Variants in CTNNBIP1 observed in about 807,000 individuals in gnomAD.
The protein encoded by CTNNBIP1 is catenin beta interacting protein 1, also known as beta-catenin-interacting protein 1.
CTNNBIP1 carries 7 observed loss-of-function variants against 11.8 expected under a neutral mutation model. That is an observed-to-expected ratio of 0.60 (90% CI 0.34 to 1.12). The LOEUF (loss-of-function observed/expected upper bound fraction) is 1.12. Ranked by LOEUF, CTNNBIP1 falls within the 50% of genes most tolerant of loss-of-function variation. The probability of loss-of-function intolerance (pLI) is 0.03; values close to 1 mark genes in which losing one functional copy is unlikely to be tolerated. For synonymous variants in CTNNBIP1, 58 were observed against 43.9 expected (o/e 1.32, Z -1.26); for missense variants, 101 against 113.4 (o/e 0.89, Z 0.50).
chr1:9,891,833 CCT>C (rs1464498983), intron 1 of CTNNBIP1, among the ~76,000 whole-genome samples: 3 of 131,396 alleles, frequency 2.3e-5, no homozygotes, highest in South Asian at 2.4e-4. Context: ...TCGCTCTTTC[CCT>C]CTGTCGCCCA....
intron 2 of CTNNBIP1, among the ~76,000 whole-genome samples, chr1:9,880,175 G>A (rs1639053851): frequency 7.0e-6 from 1 of 142,358 alleles, no homozygotes; most frequent in Non-Finnish European, 1.5e-5. Flanking sequence ...TCCCCTCCCT[G>A]TGTCCATGTA....
chr1:9,888,024 A>G (rs1340097454), intron 1 of CTNNBIP1, among the ~76,000 whole-genome samples: 1 of 151,664 alleles, frequency 6.6e-6, no homozygotes, highest in Non-Finnish European at 1.5e-5. Context: ...GGGTTTCACC[A>G]TGTTGGCTAG....
At chr1:9,885,569 G>A (rs950389532) in intron 1 of CTNNBIP1, among the ~76,000 whole-genome samples, 5 of 151,946 alleles carry the variant, frequency 3.3e-5, no homozygotes, top group Admixed American at 2.6e-4. Flanking sequence ...GCTTGAGCCT[G>A]GAAAATCAAG....
At chr1:9,909,874 C>T (rs1461688861) in intron 1 of CTNNBIP1, among the ~76,000 whole-genome samples, 3 of 151,544 alleles carry the variant, frequency 2.0e-5, no homozygotes, top group African/African-American at 4.8e-5. Flanking sequence ...GGAGGCGACC[C>T]CCGGGCGAAG....
intron 1 of CTNNBIP1, among the ~76,000 whole-genome samples, chr1:9,905,524 G>A (rs1412735464): frequency 6.6e-6 from 1 of 151,400 alleles, no homozygotes; most frequent in Non-Finnish European, 1.5e-5. Flanking sequence ...CCGGGTTCAC[G>A]CCATTCTCCT....
intron 5 of CTNNBIP1, among the ~76,000 whole-genome samples, chr1:9,870,008 G>A (rs1440033774): frequency 3.3e-5 from 5 of 152,236 alleles, no homozygotes; most frequent in Non-Finnish European, 7.3e-5. Flanking sequence ...GCTGTCCCAG[G>A]GAGCTGCCTG....
rs1022266474 is a variant in CTNNBIP1, at chr1:9,883,102, G to A, written c.-110+603C>T. ...GCAGTCAGGAACAGCGGGTGCCTGGGTGGCAGCAGCGGGACGGCGCAGGAG... is the reference window on the plus strand; with the variant it reads ...GCAGTCAGGAACAGCGGGTGCCTGGATGGCAGCAGCGGGACGGCGCAGGAG... On this transcript the variant is annotated intron_variant, in intron 2 of 5. Coordinates refer to ENST00000377263, the MANE Select transcript of CTNNBIP1 (RefSeq NM_020248.3). The surrounding 1 kb of genome is among the most constrained non-coding windows in gnomAD (Gnocchi z 5.6). Among the ~76,000 whole-genome samples, 3 of 152,116 alleles carry A rather than the reference G, an allele frequency of 2.0e-5. No individual in the cohort carries two copies. The highest frequency in any genetic ancestry group is 4.8e-5 in the African/African-American group (2 of 41,416).
At chr1:9,870,016 C>T (rs758251907) in intron 5 of CTNNBIP1, among the ~76,000 whole-genome samples, 1 of 152,250 alleles carries the variant, frequency 6.6e-6, no homozygotes, top group Non-Finnish European at 1.5e-5. Context: ...AGGGAGCTGC[C>T]TGAGCCACTG....
intron 5 of CTNNBIP1, among the ~76,000 whole-genome samples, chr1:9,865,911 T>G (rs960319332): frequency 6.6e-6 from 1 of 152,156 alleles, no homozygotes; most frequent in African/African-American, 2.4e-5. Context: ...CAGGCCTGCT[T>G]CAGGAAGCTC....
chr1:9,896,332 A>T (rs1369599028), intron 1 of CTNNBIP1, among the ~76,000 whole-genome samples: 3 of 152,256 alleles, frequency 2.0e-5, no homozygotes, highest in Non-Finnish European at 4.4e-5. Flanking sequence ...GTTTTAATGT[A>T]TAAAACATGG....
chr1:9,905,404 C>T (rs1319544364), intron 1 of CTNNBIP1, among the ~76,000 whole-genome samples: 2 of 151,998 alleles, frequency 1.3e-5, no homozygotes, highest in South Asian at 2.1e-4. Flanking sequence ...TATTTTCCCC[C>T]GTATCTCTTT....
At chr1:9,892,654 A>C (rs1183850912) in intron 1 of CTNNBIP1, among the ~76,000 whole-genome samples, 1 of 152,138 alleles carries the variant, frequency 6.6e-6, no homozygotes, top group Non-Finnish European at 1.5e-5. Flanking sequence ...GTCAGCATAA[A>C]GGTATGTGTT....
intron 5 of CTNNBIP1, among the ~76,000 whole-genome samples, chr1:9,859,368 T>C (rs1638576186): frequency 6.6e-6 from 1 of 152,118 alleles, no homozygotes; most frequent in African/African-American, 2.4e-5. Flanking sequence ...TGCAGGAGCT[T>C]AGAAAAGGGA....
intron 1 of CTNNBIP1, among the ~76,000 whole-genome samples, chr1:9,885,599 A>AT (rs1639170932): frequency 6.6e-6 from 1 of 151,698 alleles, no homozygotes; most frequent in African/African-American, 2.4e-5. Flanking sequence ...AGCAGTGATC[A>AT]TGCCACTAAA....
At chr1:9,878,698 C>T (rs571998665) in intron 2 of CTNNBIP1, among the ~76,000 whole-genome samples, 3 of 152,262 alleles carry the variant, frequency 2.0e-5, no homozygotes, top group Admixed American at 2.0e-4. Flanking sequence ...GCATGGATTG[C>T]CGAGTGGGCG....
rs3889002 is a variant in CTNNBIP1, at chr1:9,863,573, G to T, written c.187+7614C>A. Among the ~76,000 whole-genome samples, 300 of 152,320 alleles carry T rather than the reference G, an allele frequency of 2.0e-3. 2 individuals carry two copies. Among genetic ancestry groups the T allele is most frequent in the African/African-American group, 6.7e-3 (278 of 41,570 alleles). The stretch of plus-strand genomic sequence containing the variant: ...CTCCAGCAGCCTGGCCCTGGAAGGC[G>T]CAGTCCAGGCATCCATCCAGCAGAC... On this transcript the variant is annotated intron_variant, in intron 5 of 5. Coordinates refer to ENST00000377263, the MANE Select transcript of CTNNBIP1 (RefSeq NM_020248.3).
chr1:9,885,672 G>A (rs1306264312), intron 1 of CTNNBIP1, among the ~76,000 whole-genome samples: 2 of 151,888 alleles, frequency 1.3e-5, no homozygotes, highest in Admixed American at 6.6e-5. Context: ...GGACAGGTGC[G>A]GTGGCTCAGA....
chr1:9,859,007 C>G (rs541936023), intron 5 of CTNNBIP1, among the ~76,000 whole-genome samples: 2 of 151,786 alleles, frequency 1.3e-5, no homozygotes, highest in East Asian at 3.9e-4. Context: ...GAACTAAGAA[C>G]CAGGGCTTAA....
chr1:9,894,447 C>G (rs1288169979), intron 1 of CTNNBIP1, among the ~76,000 whole-genome samples: 3 of 151,962 alleles, frequency 2.0e-5, no homozygotes, highest in African/African-American at 7.2e-5. Flanking sequence ...CCTCAACATC[C>G]AGGGCTCAAG....
Sources: gnomAD v4.1 joint callset for allele counts (sites outside exome capture counted in the v4.1 genomes callset) on GRCh38, gnomAD v4.1.1 for gene constraint, Gnocchi (gnomAD v3.1) non-coding constraint, MANE v1.5 for transcripts, NCBI Gene and HGNC (gene_info 2026-07-23, HGNC 2026-07-21) for gene names.